The following ASS1 variants were observed in gnomAD, a reference collection of about 807,000 sequenced individuals.
ASS1 encodes the protein argininosuccinate synthase.
In ASS1, 58 loss-of-function variants were observed where a neutral mutation model predicts 60.5. The ratio of observed to expected loss-of-function variants is 0.96; its 90% CI spans 0.78 to 1.19. The LOEUF is 1.19. Ranked by LOEUF, ASS1 falls within the 50% of genes most tolerant of loss-of-function variation. ASS1 has a pLI of 0.00. For synonymous variants in ASS1, 200 were observed against 206.9 expected, an observed-to-expected ratio of 0.97 and a Z score of 0.29; for missense variants, 454 against 547.3, an observed-to-expected ratio of 0.83 and a Z score of 1.70.
Position 130,491,454 on chromosome 9 carries a change from G to T in ASS1, c.970+1990G>T, listed in dbSNP as rs1846448478. 1.3e-5 allele frequency among the ~76,000 whole-genome samples: 2 copies of T among 152,230 alleles called. No homozygotes were observed. ...GGTATTATCTAATATTAGCTGCGCAGAGGTGAGGAAACGGAGGCCCCCAGG... is the reference window on the plus strand; with the variant it reads ...GGTATTATCTAATATTAGCTGCGCATAGGTGAGGAAACGGAGGCCCCCAGG... On this transcript the variant is annotated intron_variant, in intron 12 of 14. Coordinates refer to ENST00000352480, the MANE Select transcript of ASS1 (RefSeq NM_054012.4). The surrounding 1 kb of genome is among the most constrained non-coding windows in gnomAD (Gnocchi z 5.3).
chr9:130,501,154 G>A lies in ASS1; in HGVS notation c.*133G>A. On this transcript the variant is annotated 3_prime_UTR_variant, in exon 15 of 15. Coordinates refer to ENST00000352480, the MANE Select transcript of ASS1 (RefSeq NM_054012.4). ...AGCGTAGTGGGGCTGCCAGGCCCCA[G>A]CTTTGTTCCCTGGTCCCCCTGAAGC... 9.7e-7 allele frequency: 1 copy of A among 1,031,550 alleles called. No individual in the cohort carries two copies. Among genetic ancestry groups the A allele is most frequent in the Non-Finnish European group, 1.5e-6 (1 of 674,716 alleles). The allele number at this position is 1,031,550 out of a possible 1,614,324, so 63.9% of individuals were successfully genotyped here.
In ASS1 at chr9:130,459,400, A is replaced by G. The variant is rs1196178788; in HGVS notation, c.363+811A>G. On this transcript the variant is annotated intron_variant, in intron 4 of 14. Coordinates refer to ENST00000352480, the MANE Select transcript of ASS1 (RefSeq NM_054012.4). This position sits in a 1 kb window ranked among gnomAD's most constrained non-coding sequence, Gnocchi z 4.6. ...AACCCGTCTTGGATTAGGGCCCTTC[A>G]ATGACCTCATCTTAACTTGGTTACT... 7.2e-5 allele frequency among the ~76,000 whole-genome samples: 11 copies of G among 151,804 alleles called. No homozygotes were observed. The highest frequency in any genetic ancestry group is 7.2e-4 in the Admixed American group (11 of 15,240).
intron 8 of ASS1, among the ~76,000 whole-genome samples, 199 bp downstream of exon 8, chr9:130,471,714 A>C (rs1440062066): frequency 2.0e-5 from 3 of 149,148 alleles, no homozygotes; most frequent in South Asian, 2.1e-4. Flanking sequence ...GCATTTGAAG[A>C]CCTCCCCCCG....
chr9:130,454,392 G>T lies in ASS1; in HGVS notation c.174+19G>T. ...CAAAAAGGTACCAGGCGGGAGGCAG[G>T]GATTTGGGCTGGGAGTGGGGCGGTG... On this transcript the variant is annotated intron_variant, in intron 3 of 14. Coordinates refer to ENST00000352480, the MANE Select transcript of ASS1 (RefSeq NM_054012.4). The T allele has an allele frequency of 1.2e-6, 2 of 1,612,168 alleles. No individual in the cohort carries two copies. The highest frequency in any genetic ancestry group is 1.7e-4 in the Middle Eastern group (1 of 6,048).
At chr9:130,463,985 C>T in intron 4 of ASS1, 126 bp from the exon 5 acceptor site, 3 of 968,802 alleles carry the variant, frequency 3.1e-6, no homozygotes, top group Non-Finnish European at 4.9e-6. Context: ...CACTGCATGA[C>T]CTCACATGTG....
chr9:130,448,766 G>A (rs1375578865), intron 1 of ASS1, among the ~76,000 whole-genome samples: 2 of 152,094 alleles, frequency 1.3e-5, no homozygotes, highest in Admixed American at 6.5e-5. Flanking sequence ...GTTTTGCCAC[G>A]TTGGCCAGGC....
intron 5 of ASS1, among the ~76,000 whole-genome samples, chr9:130,465,361 T>G (rs1178708685): frequency 6.6e-6 from 1 of 152,230 alleles, no homozygotes; most frequent in Non-Finnish European, 1.5e-5. Flanking sequence ...ACAAGTGACA[T>G]GATTTTAATA....
intron 1 of ASS1, among the ~76,000 whole-genome samples, chr9:130,449,812 G>T (rs1003312276): frequency 6.6e-6 from 1 of 152,112 alleles, no homozygotes; most frequent in Non-Finnish European, 1.5e-5. Flanking sequence ...GGGCGCATCC[G>T]CACGCCGAAA....
intron 1 of ASS1, among the ~76,000 whole-genome samples, chr9:130,449,622 G>A (rs1034697538): frequency 3.3e-5 from 5 of 152,224 alleles, no homozygotes; most frequent in African/African-American, 1.2e-4. Context: ...AGGGGGTTAA[G>A]GAGCCGAGCT....
chr9:130,494,577 T>A lies in ASS1; in HGVS notation c.971-290T>A, dbSNP rs1846533206. 6.6e-6 allele frequency among the ~76,000 whole-genome samples: 1 copy of A among 152,216 alleles called. No homozygotes were observed. The highest frequency in any genetic ancestry group is 2.1e-4 in the South Asian group (1 of 4,836). Reference sequence around the variant, plus strand: ...TTGCTGGCCTGTGGCACTTCCTGAATGCCTATGGCATGAAGCAGTGGGTCA... The same window carrying A: ...TTGCTGGCCTGTGGCACTTCCTGAAAGCCTATGGCATGAAGCAGTGGGTCA... On this transcript the variant is annotated intron_variant, in intron 12 of 14. Transcript: ENST00000352480. This position sits in a 1 kb window ranked among gnomAD's most constrained non-coding sequence, Gnocchi z 4.3.
chr9:130,485,704 G>A lies in ASS1; in HGVS notation c.839-3629G>A, dbSNP rs74425168. On this transcript the variant is annotated intron_variant, in intron 11 of 14. Transcript: ENST00000352480. ...AATGTACCCAAACTAATCACTAGAAGGCCTGTTTCCAACCCGATATGTATC... is the reference window on the plus strand; with the variant it reads ...AATGTACCCAAACTAATCACTAGAAAGCCTGTTTCCAACCCGATATGTATC... Among the ~76,000 whole-genome samples, 176 of 152,306 alleles carry A rather than the reference G, an allele frequency of 1.2e-3. 4 individuals carry two copies. In the East Asian group the frequency reaches 0.029, roughly 25 times the overall value.
At chr9:130,448,917 CG>C (rs1312960475) in intron 1 of ASS1, among the ~76,000 whole-genome samples, 1 of 152,164 alleles carries the variant, frequency 6.6e-6, no homozygotes, top group African/African-American at 2.4e-5. Context: ...CCTCTTTTTG[CG>C]GTGAGGAGCT....
intron 8 of ASS1, among the ~76,000 whole-genome samples, chr9:130,474,074 C>CCA (rs1407975691): frequency 0.01 from 1,010 of 100,038 alleles, 27 homozygotes; most frequent in Middle Eastern, 0.015. Flanking sequence ...CCCCCCCCCC[C>CCA]CACAGATGAC....
At chr9:130,466,470 G>A (rs2131882237) in intron 5 of ASS1, 1 of 569,958 alleles carries the variant, frequency 1.8e-6, no homozygotes, top group Non-Finnish European at 3.2e-6. Context: ...CCAGGGAACA[G>A]GGACCCCCTT....
At position 130,476,721 on chromosome 9, in the gene ASS1, C is replaced by T. The variant is rs1305936201; in HGVS notation, c.598-150C>T. The T allele has an allele frequency of 5.1e-6, 4 of 783,486 alleles. No homozygotes were observed. The highest frequency in any genetic ancestry group is 6.8e-6 in the Non-Finnish European group (3 of 440,142). 48.5% of individuals were successfully genotyped at this position (783,486 alleles called of 1,614,324 possible). ...TCTGGCAAGCGAGGCTGGTGCTAGG[C>T]TGAGGGCTGGGGACCGGGGGATCTG... On this transcript the variant is annotated intron_variant, in intron 8 of 14. Coordinates refer to ENST00000352480, the MANE Select transcript of ASS1 (RefSeq NM_054012.4). The surrounding 1 kb of genome is among the most constrained non-coding windows in gnomAD (Gnocchi z 4.9).
chr9:130,492,814 C>T (rs1359697478), intron 12 of ASS1, among the ~76,000 whole-genome samples: 2 of 152,220 alleles, frequency 1.3e-5, no homozygotes, highest in African/African-American at 4.8e-5. Context: ...TAAGCCCCAC[C>T]CACAGTGATC....
intron 4 of ASS1, among the ~76,000 whole-genome samples, chr9:130,461,952 C>T (rs898169673): frequency 6.6e-6 from 1 of 152,090 alleles, no homozygotes. Context: ...GGGGGAAGGG[C>T]ATCCTGTTTG....
chr9:130,450,915 A>G (rs1396084719), intron 1 of ASS1, among the ~76,000 whole-genome samples: 1 of 152,224 alleles, frequency 6.6e-6, no homozygotes, highest in African/African-American at 2.4e-5. Context: ...CAGGCAGAAC[A>G]AACATGCCCT....
Position 130,476,960 on chromosome 9 carries a change from AG to A in ASS1, c.688+1del. Reference protein sequence around the residue: ...PDILEIEFKKGVPVKVTNVKD... With the variant: ...PDILEIEFKKXVPVKVTNVKD... ...ACATTCTCGAGATCGAGTTCAAAAA[AG>A]GTATGTGCCCACCTGTTGGGACTCG... On this transcript the variant is annotated frameshift_variant and splice_region_variant, in exon 9 of 15. Transcript: ENST00000352480. LOFTEE classifies it high-confidence loss of function. The surrounding 1 kb of genome is among the most constrained non-coding windows in gnomAD (Gnocchi z 4.9). The A allele has an allele frequency of 1.2e-6, 2 of 1,613,780 alleles. No homozygotes were observed. Among genetic ancestry groups the A allele is most frequent in the Non-Finnish European group, 1.7e-6 (2 of 1,179,710 alleles).
Sources: gnomAD v4.1 joint callset for allele counts (sites outside exome capture counted in the v4.1 genomes callset) on GRCh38, gnomAD v4.1.1 for gene constraint, Gnocchi (gnomAD v3.1) non-coding constraint, MANE v1.5 for transcripts, NCBI Gene and HGNC (gene_info 2026-07-23, HGNC 2026-07-21) for gene names.